The following OCA2 variants were observed in gnomAD, a reference collection of about 807,000 sequenced individuals.
OCA2 encodes OCA2 melanosomal transmembrane protein.
A neutral mutation model predicts 100.2 loss-of-function variants in OCA2; 77 were observed. The ratio of observed to expected loss-of-function variants is 0.77; its 90% CI spans 0.64 to 0.93. OCA2 has a LOEUF of 0.93. Among genes scored for constraint, OCA2 ranks in the 40% least tolerant of loss-of-function variants. The pLI is 0.00. For missense variants in OCA2, 1,062 were observed against 1,089.1 expected, an observed-to-expected ratio of 0.98 and a Z score of 0.35; for synonymous variants, 432 against 439.2, an observed-to-expected ratio of 0.98 and a Z score of 0.21.
chr15:27,752,358 G>C (rs1288338543), downstream of OCA2, among the ~76,000 whole-genome samples: 1 of 152,186 alleles, frequency 6.6e-6, no homozygotes, highest in African/African-American at 2.4e-5. Flanking sequence ...CCATCATAAC[G>C]ACACAGGATT....
chr15:27,959,917 T>C (rs1339304559), intron 15 of OCA2, among the ~76,000 whole-genome samples: 1 of 152,210 alleles, frequency 6.6e-6, no homozygotes, highest in Non-Finnish European at 1.5e-5. Flanking sequence ...ATACAAATTA[T>C]GAAGGAATTT....
chr15:27,928,960 G>A (rs1374848466), intron 18 of OCA2, among the ~76,000 whole-genome samples: 1 of 152,106 alleles, frequency 6.6e-6, no homozygotes, highest in Non-Finnish European at 1.5e-5. Flanking sequence ...GGGACTACAG[G>A]GTGGACTCCT....
At chr15:27,879,913 T>G (rs1177865841) in intron 19 of OCA2, among the ~76,000 whole-genome samples, 2 of 152,344 alleles carry the variant, frequency 1.3e-5, no homozygotes, top group African/African-American at 4.8e-5. Flanking sequence ...ATTTTTGTCA[T>G]GAAATCTATG....
At chr15:27,789,271 T>C (rs1274574198) in intron 23 of OCA2, among the ~76,000 whole-genome samples, 2 of 152,194 alleles carry the variant, frequency 1.3e-5, no homozygotes, top group African/African-American at 4.8e-5. Flanking sequence ...TTCTTTAGTA[T>C]TTCTTTCAAG....
intron 14 of OCA2, among the ~76,000 whole-genome samples, chr15:27,972,205 C>T (rs1029997192): frequency 5.9e-5 from 9 of 152,106 alleles, no homozygotes; most frequent in South Asian, 2.1e-4. Flanking sequence ...TGTATATACA[C>T]GCATATCTCT....
chr15:28,001,233 A>T (rs759899308), intron 9 of OCA2, among the ~76,000 whole-genome samples: 2 of 152,166 alleles, frequency 1.3e-5, no homozygotes, highest in Non-Finnish European at 2.9e-5. Flanking sequence ...GAATGAATAA[A>T]GAAAACATGT....
chr15:27,892,264 T>C (rs1002537390), intron 19 of OCA2, among the ~76,000 whole-genome samples: 7 of 152,034 alleles, frequency 4.6e-5, no homozygotes, highest in Non-Finnish European at 1.0e-4. Flanking sequence ...AGAATACAGT[T>C]TTTTTCAAGT....
intron 23 of OCA2, among the ~76,000 whole-genome samples, chr15:27,771,431 C>T (rs949082908): frequency 4.4e-5 from 6 of 137,224 alleles, no homozygotes; most frequent in Non-Finnish European, 7.8e-5. Flanking sequence ...AATCAATGGG[C>T]CGCCCCTCCG....
rs565523286 is a variant in OCA2, at chr15:27,791,786, T to C, written c.2433-36314A>G. 3.9e-5 allele frequency among the ~76,000 whole-genome samples: 6 copies of C among 152,336 alleles called. No homozygotes were observed. In the South Asian group the frequency reaches 1.2e-3, roughly 32 times the overall value. Reference sequence around the variant, plus strand: ...CTCTTGAGCAACGTACTAGACACACTACGGGGTTGCTTTGGAAAACACAGA... The same window carrying C: ...CTCTTGAGCAACGTACTAGACACACCACGGGGTTGCTTTGGAAAACACAGA... On this transcript the variant is annotated intron_variant, in intron 23 of 23. Coordinates refer to ENST00000354638, the MANE Select transcript of OCA2 (RefSeq NM_000275.3).
intron 4 of OCA2, among the ~76,000 whole-genome samples, chr15:28,026,664 T>A (rs2042757201): frequency 6.6e-6 from 1 of 152,172 alleles, no homozygotes. Flanking sequence ...GTACCCTCCG[T>A]GTACCTCCCA....
chr15:27,864,151 ATCAGTACCAGGC>A (rs1350913201), intron 21 of OCA2, among the ~76,000 whole-genome samples: 1 of 152,106 alleles, frequency 6.6e-6, no homozygotes, highest in Admixed American at 6.5e-5. Context: ...CACACAGCCC[ATCAGTACCAGGC>A]TCAGCACCAA....
intron 14 of OCA2, among the ~76,000 whole-genome samples, chr15:27,969,521 C>T (rs983777497): frequency 1.3e-5 from 2 of 152,212 alleles, no homozygotes; most frequent in African/African-American, 4.8e-5. Context: ...CAAAACTATC[C>T]ACCAGCACAC....
chr15:27,902,701 C>A (rs2038000163), intron 19 of OCA2, among the ~76,000 whole-genome samples: 1 of 152,142 alleles, frequency 6.6e-6, no homozygotes, highest in South Asian at 2.1e-4. Context: ...AACAGAGGGA[C>A]TTTGGAGATT....
In OCA2 at chr15:27,957,848, G is replaced by T; in HGVS notation, c.1637-113C>A. On this transcript the variant is annotated intron_variant, in intron 15 of 23. Coordinates refer to ENST00000354638, the MANE Select transcript of OCA2 (RefSeq NM_000275.3). This position sits in a 1 kb window ranked among gnomAD's most constrained non-coding sequence, Gnocchi z 4.3. The stretch of plus-strand genomic sequence containing the variant: ...GACAGAGCAGACACACACTCGAGAC[G>T]TGCAGGTAGCCCAGGGTCACCCAGA... 2 of 1,304,164 alleles carry T rather than the reference G, an allele frequency of 1.5e-6. No homozygotes were observed. Among genetic ancestry groups the T allele is most frequent in the Non-Finnish European group, 2.2e-6 (2 of 921,958 alleles). The allele number at this position is 1,304,164 out of a possible 1,614,324, so 80.8% of individuals were successfully genotyped here.
At chr15:28,000,673 G>T (rs1440679115) in intron 9 of OCA2, among the ~76,000 whole-genome samples, 2 of 152,092 alleles carry the variant, frequency 1.3e-5, no homozygotes, top group Non-Finnish European at 2.9e-5. Context: ...AAAATGAAAA[G>T]ACAACCTACA....
At chr15:27,869,601 T>G (rs555982791) in intron 21 of OCA2, among the ~76,000 whole-genome samples, 1 of 152,352 alleles carries the variant, frequency 6.6e-6, no homozygotes, top group Non-Finnish European at 1.5e-5. Flanking sequence ...AGGGCTCTTC[T>G]AATTCAGTCC....
At chr15:27,891,841 A>C (rs2037474245) in intron 19 of OCA2, among the ~76,000 whole-genome samples, 1 of 152,212 alleles carries the variant, frequency 6.6e-6, no homozygotes, top group South Asian at 2.1e-4. Context: ...AGAGACCGGA[A>C]GAAAGGATTG....
At chr15:27,815,201 G>A (rs2034250778) in intron 23 of OCA2, among the ~76,000 whole-genome samples, 1 of 152,148 alleles carries the variant, frequency 6.6e-6, no homozygotes, top group African/African-American at 2.4e-5. Flanking sequence ...TCGCCGCAAT[G>A]CCTCTGCCCA....
At chr15:27,849,059 C>A (rs1381599972) in intron 22 of OCA2, among the ~76,000 whole-genome samples, 2 of 151,162 alleles carry the variant, frequency 1.3e-5, no homozygotes, top group Non-Finnish European at 2.9e-5. Context: ...GATCTGAACA[C>A]AGCCACATGC....
Sources: gnomAD v4.1 joint callset for allele counts (sites outside exome capture counted in the v4.1 genomes callset) on GRCh38, gnomAD v4.1.1 for gene constraint, Gnocchi (gnomAD v3.1) non-coding constraint, MANE v1.5 for transcripts, NCBI Gene and HGNC (gene_info 2026-07-23, HGNC 2026-07-21) for gene names.